SDK1: variants seen among roughly 807,000 people sequenced by gnomAD.
SDK1 encodes the protein sidekick cell adhesion molecule 1.
A neutral mutation model predicts 245.5 loss-of-function variants in SDK1; 157 were observed. That is an observed-to-expected ratio of 0.64 (90% confidence interval 0.56 to 0.73). SDK1 has a LOEUF of 0.73. Among genes scored for constraint, SDK1 ranks in the 30% least tolerant of loss-of-function variants. SDK1 has a pLI of 0.00. For synonymous variants in SDK1, 1,647 were observed against 1,278.5 expected (o/e 1.29, Z -6.15); for missense variants, 3,583 against 3,002.3 (o/e 1.19, Z -4.52).
Position 3,509,083 on chromosome 7 carries a change from T to C in SDK1, c.299-109997T>C, listed in dbSNP as rs368487062. Among the ~76,000 whole-genome samples, 39 of 125,892 alleles carry C rather than the reference T, an allele frequency of 3.1e-4. 1 individual carries two copies. The highest frequency in any genetic ancestry group is 1.0e-3 in the South Asian group (4 of 3,820). The allele number at this position is 125,892 out of a possible 152,430, so 82.6% of individuals were successfully genotyped here. ...GGAAGGTGGGGTGTGTGTGTGTGTG[T>C]GCGTGTGTGTGTGTGTATGTATGTA... On this transcript the variant is annotated intron_variant, in intron 1 of 44. Transcript: ENST00000404826.
intron 25 of SDK1, among the ~76,000 whole-genome samples, chr7:4,121,653 G>C (rs1784073838): frequency 6.6e-6 from 1 of 152,150 alleles, no homozygotes; most frequent in African/African-American, 2.4e-5. Flanking sequence ...ATGGCTAGAG[G>C]GGAATCACAT....
rs1202757275 is a variant in SDK1, at chr7:4,266,350, C to T, written c.*966C>T. ...TTTTTATTAATTGTTCAGCTTTGTACATGGGAAAGATGAAAAGCAACAGTG... is the reference window on the plus strand; with the variant it reads ...TTTTTATTAATTGTTCAGCTTTGTATATGGGAAAGATGAAAAGCAACAGTG... On this transcript the variant is annotated 3_prime_UTR_variant, in exon 45 of 45. Coordinates refer to ENST00000404826, the MANE Select transcript of SDK1 (RefSeq NM_152744.4). 7 of 985,198 alleles carry T rather than the reference C, an allele frequency of 7.1e-6. No homozygotes were observed. The highest frequency in any genetic ancestry group is 5.2e-4 in the Middle Eastern group (1 of 1,936). The allele number at this position is 985,198 out of a possible 1,614,324, so 61.0% of individuals were successfully genotyped here. A position where few individuals can be genotyped will look rare whatever the true frequency, so the allele number is the denominator to read the frequency against.
chr7:4,060,501 T>A (rs1779469434), intron 19 of SDK1, among the ~76,000 whole-genome samples: 1 of 152,134 alleles, frequency 6.6e-6, no homozygotes, highest in South Asian at 2.1e-4. Context: ...TGTTTTTTTC[T>A]TGTAAATTTG....
chr7:3,351,464 A>C (rs1277261436), intron 1 of SDK1, among the ~76,000 whole-genome samples: 2 of 152,176 alleles, frequency 1.3e-5, no homozygotes, highest in Non-Finnish European at 2.9e-5. Flanking sequence ...GTCAGTAATT[A>C]CAATAAATGT....
At chr7:3,525,290 G>T (rs551963218) in intron 1 of SDK1, among the ~76,000 whole-genome samples, 3 of 152,204 alleles carry the variant, frequency 2.0e-5, no homozygotes, top group Non-Finnish European at 2.9e-5. Flanking sequence ...AAGTCACCAG[G>T]ACTGGGTTTG....
intron 44 of SDK1, among the ~76,000 whole-genome samples, chr7:4,246,743 G>C (rs1011087211): frequency 6.6e-6 from 1 of 152,138 alleles, no homozygotes; most frequent in Non-Finnish European, 1.5e-5. Context: ...CTGGACCAGG[G>C]AGATGGCTTC....
intron 4 of SDK1, among the ~76,000 whole-genome samples, chr7:3,757,327 G>A (rs1320854631): frequency 6.6e-6 from 1 of 152,032 alleles, no homozygotes. Flanking sequence ...CTCAACTCCT[G>A]GTCTCAAGCG....
chr7:4,133,223 C>T (rs1416930056), intron 28 of SDK1, among the ~76,000 whole-genome samples: 1 of 152,244 alleles, frequency 6.6e-6, no homozygotes, highest in African/African-American at 2.4e-5. Context: ...TTACAGCCAG[C>T]ATACCAACTC....
chr7:3,973,196 A>T (rs1483472594), intron 12 of SDK1, among the ~76,000 whole-genome samples: 2 of 152,154 alleles, frequency 1.3e-5, no homozygotes, highest in African/African-American at 4.8e-5. Context: ...AGCCAGCCAG[A>T]TGCGATGCCC....
chr7:3,906,802 T>A (rs1258398218), intron 5 of SDK1, among the ~76,000 whole-genome samples: 1 of 151,968 alleles, frequency 6.6e-6, no homozygotes, highest in Non-Finnish European at 1.5e-5. Flanking sequence ...TAAGTTTTTG[T>A]ATTTTTTAGT....
chr7:3,573,861 A>T (rs1031199410), intron 1 of SDK1, among the ~76,000 whole-genome samples: 3 of 151,962 alleles, frequency 2.0e-5, no homozygotes, highest in Admixed American at 6.6e-5. Flanking sequence ...AGTACTCATT[A>T]AAAAATAAAT....
Position 3,779,759 on chromosome 7 carries a change from C to G in SDK1, c.714-41691C>G, listed in dbSNP as rs28587155. On this transcript the variant is annotated intron_variant, in intron 4 of 44. Transcript: ENST00000404826. ...CATCCTGGCTAACAAGGTGAAACCC[C>G]GTCTCTACTGGAAATACAAAAAATT... 5.5e-3 allele frequency among the ~76,000 whole-genome samples: 835 copies of G among 151,648 alleles called. 9 individuals carry two copies. Among genetic ancestry groups the G allele is most frequent in the African/African-American group, 0.019 (802 of 41,350 alleles).
At chr7:3,743,099 A>G (rs1779522092) in intron 4 of SDK1, among the ~76,000 whole-genome samples, 3 of 152,226 alleles carry the variant, frequency 2.0e-5, no homozygotes. Context: ...GGCTCTGTTC[A>G]GGAATGCGAT....
chr7:3,375,135 A>C (rs1294689978), intron 1 of SDK1, among the ~76,000 whole-genome samples: 2 of 152,104 alleles, frequency 1.3e-5, no homozygotes, highest in African/African-American at 4.8e-5. Context: ...CACAGAGGCC[A>C]GTGTGGGCTC....
chr7:3,303,596 T>A (rs1315453006), intron 1 of SDK1, among the ~76,000 whole-genome samples: 2 of 152,142 alleles, frequency 1.3e-5, no homozygotes, highest in Non-Finnish European at 2.9e-5. Context: ...TTTATTCCTT[T>A]TTGGCAGTAA....
intron 1 of SDK1, among the ~76,000 whole-genome samples, chr7:3,503,039 C>G (rs1323407080): frequency 1.3e-5 from 2 of 152,150 alleles, no homozygotes; most frequent in African/African-American, 4.8e-5. Context: ...TCACAGTGGA[C>G]TAATGATGCC....
intron 4 of SDK1, among the ~76,000 whole-genome samples, chr7:3,728,468 A>G (rs977045647): frequency 2.6e-5 from 4 of 152,358 alleles, no homozygotes; most frequent in Non-Finnish European, 1.5e-5. Context: ...ATTCCATCAC[A>G]TCTCACAACT....
At chr7:4,213,741 CT>C (rs978579673) in intron 38 of SDK1, among the ~76,000 whole-genome samples, 2 of 152,180 alleles carry the variant, frequency 1.3e-5, no homozygotes, top group Admixed American at 6.5e-5. Context: ...AACCTTCCCC[CT>C]AGCCCAGTCT....
At chr7:4,018,318 T>C (rs1786586562) in intron 17 of SDK1, among the ~76,000 whole-genome samples, 1 of 152,230 alleles carries the variant, frequency 6.6e-6, no homozygotes, top group Admixed American at 6.5e-5. Flanking sequence ...AGACCTAATG[T>C]TCCTTGATAT....
Sources: allele counts gnomAD v4.1 joint callset (sites outside exome capture counted in the v4.1 genomes callset), GRCh38; gene constraint gnomAD v4.1.1; transcripts MANE v1.5; gene names NCBI Gene and HGNC (gene_info 2026-07-23, HGNC 2026-07-21).